The following NBEAL1 variants were observed in gnomAD, a reference collection of about 807,000 sequenced individuals.
NBEAL1 encodes neurobeachin like 1, also known as neurobeachin-like protein 1.
NBEAL1 carries 273 observed loss-of-function variants against 351.3 expected under a neutral mutation model. That is an observed-to-expected ratio of 0.78 (90% CI 0.70 to 0.86). The LOEUF (loss-of-function observed/expected upper bound fraction) is 0.86, where lower values mean the gene tolerates loss of function less well. Ranked by LOEUF, NBEAL1 falls within the 40% of genes least tolerant of loss-of-function variation. NBEAL1 has a pLI of 0.00. For missense variants in NBEAL1, 2,961 were observed against 3,201.3 expected, an observed-to-expected ratio of 0.92 and a Z score of 1.81; for synonymous variants, 1,050 against 1,086.4, an observed-to-expected ratio of 0.97 and a Z score of 0.66.
Position 203,149,143 on chromosome 2 carries a change from TA to T in NBEAL1, c.5461del (p.Arg1821GlyfsTer10). ...YLTCERGPWA[K>X]RKQNPIHWKL... ...TTACATGTGAAAGGGGACCTTGGGC[TA>T]AAAGGTAAGAGGATATAATTTTATT... On this transcript the variant is annotated frameshift_variant, in exon 34 of 56. Coordinates refer to ENST00000683969, the MANE Select transcript of NBEAL1 (RefSeq NM_001378026.1). LOFTEE classifies it high-confidence loss of function. The T allele has an allele frequency of 6.3e-7, 1 of 1,595,460 alleles. No individual in the cohort carries two copies. The highest frequency in any genetic ancestry group is 1.1e-5 in the South Asian group (1 of 87,672).
chr2:203,096,124 G>T (rs896358713), intron 10 of NBEAL1, among the ~76,000 whole-genome samples: 10 of 152,138 alleles, frequency 6.6e-5, no homozygotes, highest in African/African-American at 1.2e-4. Context: ...CGTGGATTAT[G>T]TCATTTAATA....
chr2:203,126,905 A>G lies in NBEAL1; in HGVS notation c.3227A>G (p.Asp1076Gly). The G allele has an allele frequency of 3.9e-6, 6 of 1,550,026 alleles. No individual in the cohort carries two copies. Among genetic ancestry groups the G allele is most frequent in the Non-Finnish European group, 4.4e-6 (5 of 1,145,048 alleles). The change falls in exon 23 of 56, where the codon GAT becomes GGT. Residue 1076 changes from aspartate (D) to glycine (G), a missense_variant. Transcript: ENST00000683969. ...AAGTATGGTGTGCAGTTTCTCCTAGATACACTTAGGATTTATTATGGGTAT... is the reference window on the plus strand; with the variant it reads ...AAGTATGGTGTGCAGTTTCTCCTAGGTACACTTAGGATTTATTATGGGTAT... ...RKKYGVQFLL[D>G]TLRIYYGNGC...
At chr2:203,092,635 A>G (rs1007028886) in intron 10 of NBEAL1, among the ~76,000 whole-genome samples, 5 of 152,334 alleles carry the variant, frequency 3.3e-5, no homozygotes, top group African/African-American at 1.2e-4. Context: ...AGAGAGCTTC[A>G]TAAAGCCTTT....
chr2:203,058,375 A>C (rs1321687017), intron 6 of NBEAL1, among the ~76,000 whole-genome samples: 1 of 152,166 alleles, frequency 6.6e-6, no homozygotes, highest in Non-Finnish European at 1.5e-5. Context: ...ATACAAGGAA[A>C]TTGATAAATA....
chr2:203,035,550 A>G (rs2061028648), intron 2 of NBEAL1, among the ~76,000 whole-genome samples: 1 of 149,472 alleles, frequency 6.7e-6, no homozygotes, highest in Non-Finnish European at 1.5e-5. Context: ...TATTATAATA[A>G]TTGTGGTAAC....
intron 43 of NBEAL1, chr2:203,181,120 T>G (rs978827752): frequency 6.6e-6 from 1 of 150,966 alleles, no homozygotes; most frequent in Non-Finnish European, 1.5e-5. Context: ...TTTGTAGAGA[T>G]GGGGTCTCAC....
At chr2:203,093,381 A>T (rs1326781912) in intron 10 of NBEAL1, among the ~76,000 whole-genome samples, 3 of 152,174 alleles carry the variant, frequency 2.0e-5, no homozygotes, top group Non-Finnish European at 2.9e-5. Flanking sequence ...ATATCTTTTT[A>T]AAAAATACAA....
chr2:203,150,598 G>GT (rs1158812360), intron 34 of NBEAL1, among the ~76,000 whole-genome samples: 1 of 151,572 alleles, frequency 6.6e-6, no homozygotes, highest in Admixed American at 6.6e-5. Context: ...TTATTTTTCT[G>GT]TTTTTTTGGG....
At chr2:203,176,171 CTTTTT>C (rs34311199) in intron 42 of NBEAL1, among the ~76,000 whole-genome samples, 1 of 122,896 alleles carries the variant, frequency 8.1e-6, no homozygotes, top group Non-Finnish European at 1.7e-5. Flanking sequence ...TTTATTGCAT[CTTTTT>C]TTTTTTTTTT....
intron 38 of NBEAL1, 132 bp downstream of exon 38, chr2:203,167,492 G>A (rs2064171560): frequency 5.4e-6 from 5 of 921,222 alleles, no homozygotes; most frequent in Non-Finnish European, 7.8e-6. Context: ...ACATACTTTG[G>A]GGGCTAATCA....
intron 10 of NBEAL1, among the ~76,000 whole-genome samples, chr2:203,093,230 TAAAAAAAAAAAAAAAAA>T (rs139917037): frequency 0.038 from 1,905 of 49,950 alleles, 64 homozygotes; most frequent in African/African-American, 0.13. Flanking sequence ...AGACTCTGTC[TAAAAAAAAAAAAAAAAA>T]AAAAAAAAAA....
chr2:203,169,219 C>T (rs748466238), intron 38 of NBEAL1, among the ~76,000 whole-genome samples: 4 of 151,568 alleles, frequency 2.6e-5, no homozygotes, highest in Non-Finnish European at 5.9e-5. Flanking sequence ...TATGAAATGT[C>T]CAGAACAGGC....
intron 29 of NBEAL1, among the ~76,000 whole-genome samples, chr2:203,137,229 G>A (rs1301127657): frequency 6.6e-6 from 1 of 152,204 alleles, no homozygotes; most frequent in Non-Finnish European, 1.5e-5. Flanking sequence ...GGCTTTGAAT[G>A]TGGCCCAACA....
Position 203,135,750 on chromosome 2 carries a change from TA to T in NBEAL1, c.3888del (p.Val1297LeufsTer5). Reference sequence around the variant, plus strand: ...CAGCAAGTGGGTTGGCAAGACACCTTAGTTAGGCTTTTTTTAAAAGCAAAAT... The same window carrying T: ...CAGCAAGTGGGTTGGCAAGACACCTTGTTAGGCTTTTTTTAAAAGCAAAAT... ...ISQQVGWQDT[L>X]VRLFLKAKFE... On this transcript the variant is annotated frameshift_variant, in exon 28 of 56. Coordinates refer to ENST00000683969, the MANE Select transcript of NBEAL1 (RefSeq NM_001378026.1). LOFTEE classifies it high-confidence loss of function. The T allele has an allele frequency of 6.3e-7, 1 of 1,588,122 alleles. No homozygotes were observed. The highest frequency in any genetic ancestry group is 2.3e-5 in the East Asian group (1 of 44,438).
intron 47 of NBEAL1, among the ~76,000 whole-genome samples, chr2:203,194,548 ACTCTTTCTTGT>A (rs1216362388): frequency 6.6e-6 from 1 of 152,052 alleles, no homozygotes; most frequent in Non-Finnish European, 1.5e-5. Context: ...AGGTTGGTAA[ACTCTTTCTTGT>A]CTCAAATAAT....
intron 50 of NBEAL1, 42 bp downstream of exon 50, chr2:203,201,757 T>C: frequency 6.6e-7 from 1 of 1,525,942 alleles, no homozygotes; most frequent in Non-Finnish European, 8.8e-7. Context: ...AAAAATTTTC[T>C]TTTTTTCTTA....
chr2:203,070,926 A>G (rs2061671953), intron 7 of NBEAL1, among the ~76,000 whole-genome samples: 1 of 152,164 alleles, frequency 6.6e-6, no homozygotes, highest in African/African-American at 2.4e-5. Flanking sequence ...TCAGCTGGCT[A>G]ATTTAACAAA....
chr2:203,182,482 G>C (rs926864125), intron 43 of NBEAL1: 4 of 152,158 alleles, frequency 2.6e-5, no homozygotes, highest in Admixed American at 2.0e-4. Flanking sequence ...ATGAAATATA[G>C]GGCAGAGATG....
At chr2:203,122,419 C>A in intron 19 of NBEAL1, 76 bp downstream of exon 19, 1 of 893,874 alleles carries the variant, frequency 1.1e-6, no homozygotes, top group South Asian at 1.6e-5. Context: ...GTTTTTAAAG[C>A]ACTGCCAGAT....
Sources: allele counts gnomAD v4.1 joint callset (sites outside exome capture counted in the v4.1 genomes callset), GRCh38; gene constraint gnomAD v4.1.1; transcripts MANE v1.5; gene names NCBI Gene and HGNC (gene_info 2026-07-23, HGNC 2026-07-21).